Variants in PDE4D observed in about 807,000 individuals in gnomAD.
The protein encoded by PDE4D is 3',5'-cyclic-AMP phosphodiesterase 4D.
PDE4D carries 24 observed loss-of-function variants against 87.4 expected under a neutral mutation model. That is an observed-to-expected ratio of 0.27 (90% CI 0.20 to 0.39). The LOEUF is 0.39. Among genes scored for constraint, PDE4D ranks in the 10% least tolerant of loss-of-function variants. The pLI, the probability that PDE4D is intolerant of heterozygous loss-of-function variation, is 1.00. For synonymous variants in PDE4D, 384 were observed against 383.2 expected (o/e 1.00, Z -0.02); for missense variants, 714 against 1,041.0 (o/e 0.69, Z 4.32).
At chr5:60,270,157 T>C (rs1278972652) in intron 1 of PDE4D, among the ~76,000 whole-genome samples, 1 of 152,090 alleles carries the variant, frequency 6.6e-6, no homozygotes, top group Non-Finnish European at 1.5e-5. Flanking sequence ...GGGAAAGAGA[T>C]AGGAAGGTGA....
intron 1 of PDE4D, among the ~76,000 whole-genome samples, chr5:59,725,900 T>G (rs771543694): frequency 6.6e-6 from 1 of 152,044 alleles, no homozygotes; most frequent in Non-Finnish European, 1.5e-5. Context: ...TTTGAATCAG[T>G]CTCTAAACAA....
At chr5:59,541,153 ACT>A (rs1290181771) in intron 1 of PDE4D, among the ~76,000 whole-genome samples, 1 of 152,010 alleles carries the variant, frequency 6.6e-6, no homozygotes, top group Non-Finnish European at 1.5e-5. Flanking sequence ...TAGGATGGAG[ACT>A]CTGTCTGGTT....
At chr5:60,307,325 G>A (rs1394034204) in intron 1 of PDE4D, among the ~76,000 whole-genome samples, 1 of 152,062 alleles carries the variant, frequency 6.6e-6, no homozygotes, top group African/African-American at 2.4e-5. Context: ...AAAATATTAT[G>A]ACACTAGCTC....
At chr5:60,298,162 AG>A (rs1753581867) in intron 1 of PDE4D, among the ~76,000 whole-genome samples, 3 of 151,856 alleles carry the variant, frequency 2.0e-5, no homozygotes, top group African/African-American at 4.9e-5. Flanking sequence ...AAAAAAAAAA[AG>A]ATTACAGGAA....
chr5:60,015,992 A>G (rs1418821241), intron 2 of PDE4D, among the ~76,000 whole-genome samples: 1 of 149,166 alleles, frequency 6.7e-6, no homozygotes, highest in Non-Finnish European at 1.5e-5. Flanking sequence ...GGTTCACGCC[A>G]TTCTTAAAAT....
intron 1 of PDE4D, among the ~76,000 whole-genome samples, chr5:59,647,395 TTCTC>T (rs957529326): frequency 9.2e-5 from 14 of 152,128 alleles, no homozygotes; most frequent in South Asian, 2.1e-4. Flanking sequence ...TTTCCTATCT[TTCTC>T]TATATATTAT....
At chr5:59,594,183 C>A (rs1166912837) in intron 1 of PDE4D, among the ~76,000 whole-genome samples, 1 of 151,448 alleles carries the variant, frequency 6.6e-6, no homozygotes, top group African/African-American at 2.4e-5. Context: ...TTAGGAGATT[C>A]ACAATCCAGA....
At chr5:60,512,333 C>T (rs1401286007) in intron 1 of PDE4D, among the ~76,000 whole-genome samples, 1 of 152,090 alleles carries the variant, frequency 6.6e-6, no homozygotes, top group East Asian at 1.9e-4. Flanking sequence ...TAGAAAAATA[C>T]TTCCTAGAAT....
At chr5:59,329,638 T>C (rs1015625275) in intron 1 of PDE4D, among the ~76,000 whole-genome samples, 4 of 152,242 alleles carry the variant, frequency 2.6e-5, no homozygotes, top group African/African-American at 9.6e-5. Flanking sequence ...CATATCTATA[T>C]TATCTGCCAA....
chr5:60,288,284 A>G (rs1752597906), intron 1 of PDE4D, among the ~76,000 whole-genome samples: 1 of 152,236 alleles, frequency 6.6e-6, no homozygotes, highest in African/African-American at 2.4e-5. Flanking sequence ...GAGGAGGTTA[A>G]ATCATTATTT....
intron 2 of PDE4D, among the ~76,000 whole-genome samples, chr5:60,046,175 G>A (rs1300320112): frequency 2.6e-5 from 4 of 152,044 alleles, no homozygotes; most frequent in African/African-American, 9.7e-5. Context: ...TTTGTCTGTT[G>A]TTGGTGTATA....
At chr5:59,667,268 ATTGTG>A (rs936068000) in intron 1 of PDE4D, among the ~76,000 whole-genome samples, 1 of 151,618 alleles carries the variant, frequency 6.6e-6, no homozygotes, top group Non-Finnish European at 1.5e-5. Context: ...CATTATTTTT[ATTGTG>A]TTGTGTTGTG....
At chr5:59,723,698 T>C in intron 1 of PDE4D, among the ~76,000 whole-genome samples, 1 of 152,174 alleles carries the variant, frequency 6.6e-6, no homozygotes, top group East Asian at 1.9e-4. Flanking sequence ...ATATGGGTTT[T>C]CACATTAAAA....
intron 2 of PDE4D, among the ~76,000 whole-genome samples, chr5:60,018,655 A>G (rs1286230605): frequency 2.0e-5 from 3 of 152,188 alleles, no homozygotes; most frequent in Non-Finnish European, 4.4e-5. Context: ...ATTTACCAAG[A>G]AAATAGAAAG....
chr5:59,488,807 A>G (rs544034626), intron 1 of PDE4D, among the ~76,000 whole-genome samples: 4 of 151,892 alleles, frequency 2.6e-5, no homozygotes, highest in Middle Eastern at 3.4e-3. Context: ...ATATTGTTGG[A>G]TGTATTAGGA....
chr5:59,782,732 A>G (rs982048878), intron 1 of PDE4D, among the ~76,000 whole-genome samples: 2 of 152,238 alleles, frequency 1.3e-5, no homozygotes, highest in Admixed American at 6.5e-5. Context: ...AAAGTAATAC[A>G]GTTTATGCAT....
At chr5:60,497,409 G>GTTTTT (rs1299082428) in intron 1 of PDE4D, among the ~76,000 whole-genome samples, 3 of 150,792 alleles carry the variant, frequency 2.0e-5, no homozygotes, top group African/African-American at 7.4e-5. Context: ...TTTTGTTTTT[G>GTTTTT]TTTTTGTTTT....
chr5:60,270,637 C>T (rs1268691543), intron 1 of PDE4D, among the ~76,000 whole-genome samples: 1 of 151,944 alleles, frequency 6.6e-6, no homozygotes, highest in Non-Finnish European at 1.5e-5. Context: ...ATATAAAACA[C>T]CACCAGGAGG....
At chr5:59,633,813 T>C (rs1246909805) in intron 1 of PDE4D, among the ~76,000 whole-genome samples, 1 of 152,170 alleles carries the variant, frequency 6.6e-6, no homozygotes, top group Non-Finnish European at 1.5e-5. Context: ...GCTGACACTA[T>C]GAAGAAACTA....
Sources: gnomAD v4.1 joint callset for allele counts (sites outside exome capture counted in the v4.1 genomes callset) on GRCh38, gnomAD v4.1.1 for gene constraint, MANE v1.5 for transcripts, NCBI Gene and HGNC (gene_info 2026-07-23, HGNC 2026-07-21) for gene names.